Variants in ATP6V0D2 observed in about 807,000 individuals in gnomAD.
The protein encoded by ATP6V0D2 is V-type proton ATPase subunit d 2.
Under a neutral mutation model 40.0 loss-of-function variants are expected in ATP6V0D2, and 40 were observed. The observed-to-expected ratio is 1.00, with a 90% CI of 0.78 to 1.30. The LOEUF is 1.30. ATP6V0D2 is among the 50% of genes most tolerant of loss of function. The probability of loss-of-function intolerance (pLI) is 0.00; values close to 1 mark genes in which losing one functional copy is unlikely to be tolerated. For missense variants in ATP6V0D2, 470 were observed against 423.1 expected, an observed-to-expected ratio of 1.11 and a Z score of -0.97; for synonymous variants, 179 against 156.3, an observed-to-expected ratio of 1.15 and a Z score of -1.08.
intron 2 of ATP6V0D2, among the ~76,000 whole-genome samples, chr8:86,118,882 A>G (rs1340928362): frequency 6.6e-6 from 1 of 152,212 alleles, no homozygotes; most frequent in Non-Finnish European, 1.5e-5. Flanking sequence ...TCTAAGGATG[A>G]GGAACCTAGA....
intron 5 of ATP6V0D2, among the ~76,000 whole-genome samples, chr8:86,143,217 G>A (rs1240265592): frequency 6.6e-6 from 1 of 152,094 alleles, no homozygotes; most frequent in Non-Finnish European, 1.5e-5. Context: ...ATTTGGTTAT[G>A]ATTCATTTTA....
chr8:86,134,374 A>G (rs1818868451), intron 2 of ATP6V0D2, among the ~76,000 whole-genome samples: 1 of 152,182 alleles, frequency 6.6e-6, no homozygotes, highest in African/African-American at 2.4e-5. Flanking sequence ...CAATGGGAAA[A>G]AAGAAAGGAC....
At chr8:86,145,384 A>G (rs1221001949) in intron 5 of ATP6V0D2, among the ~76,000 whole-genome samples, 3 of 149,924 alleles carry the variant, frequency 2.0e-5, no homozygotes, top group East Asian at 2.0e-4. Flanking sequence ...GAAAGAAAAG[A>G]AAAGAAAAGA....
chr8:86,126,253 T>TATATATATATATATATATATATATATAG (rs1818743073), intron 2 of ATP6V0D2, among the ~76,000 whole-genome samples: 1 of 133,828 alleles, frequency 7.5e-6, no homozygotes, highest in South Asian at 2.3e-4. Context: ...TATATATATA[T>TATATATATATATATATATATATATATAG]ATATATATAT....
chr8:86,131,534 T>C (rs1364020091), intron 2 of ATP6V0D2, among the ~76,000 whole-genome samples: 1 of 148,754 alleles, frequency 6.7e-6, no homozygotes, highest in Non-Finnish European at 1.5e-5. Flanking sequence ...GGAGTTTCAC[T>C]TTGTTGCCCA....
intron 1 of ATP6V0D2, among the ~76,000 whole-genome samples, chr8:86,099,618 C>T (rs565769217): frequency 3.9e-5 from 6 of 152,230 alleles, no homozygotes; most frequent in South Asian, 2.1e-4. Flanking sequence ...CTCAGCCTCC[C>T]GAGTAACTGA....
intron 2 of ATP6V0D2, among the ~76,000 whole-genome samples, chr8:86,117,023 T>C (rs1818598648): frequency 6.6e-6 from 1 of 151,782 alleles, no homozygotes; most frequent in Non-Finnish European, 1.5e-5. Context: ...GACCTAATTG[T>C]CTATTTTTGT....
chr8:86,134,406 G>A (rs1818868840), intron 2 of ATP6V0D2, among the ~76,000 whole-genome samples: 2 of 151,938 alleles, frequency 1.3e-5, no homozygotes, highest in Non-Finnish European at 2.9e-5. Flanking sequence ...GAAAAATATG[G>A]GTAAATACAA....
At chr8:86,109,397 C>G (rs955158274) in intron 1 of ATP6V0D2, among the ~76,000 whole-genome samples, 1 of 152,048 alleles carries the variant, frequency 6.6e-6, no homozygotes, top group Admixed American at 6.6e-5. Flanking sequence ...CATTTCAGAC[C>G]CTCAGATTCT....
In ATP6V0D2 at chr8:86,142,967, C is replaced by T. The variant is rs779741791; in HGVS notation, c.639+13C>T. On this transcript the variant is annotated intron_variant, in intron 5 of 7. Coordinates refer to ENST00000285393, the MANE Select transcript of ATP6V0D2 (RefSeq NM_152565.1). ...TCCCATTCTTGAGGTAAGAAAGAGT[C>T]CTTGAATTTTGTTATGCTAAATAAG... 7.0e-6 allele frequency: 11 copies of T among 1,580,796 alleles called. No homozygotes were observed. The highest frequency in any genetic ancestry group is 4.1e-5 in the African/African-American group (3 of 74,008).
intron 1 of ATP6V0D2, among the ~76,000 whole-genome samples, chr8:86,106,714 A>G (rs773569222): frequency 2.0e-5 from 3 of 152,188 alleles, no homozygotes; most frequent in Non-Finnish European, 4.4e-5. Flanking sequence ...TTATTTTGGT[A>G]AGTAAAAATT....
At chr8:86,138,463 C>T (rs1818926391) in intron 2 of ATP6V0D2, among the ~76,000 whole-genome samples, 1 of 152,154 alleles carries the variant, frequency 6.6e-6, no homozygotes, top group South Asian at 2.1e-4. Context: ...ACTTCTCAAC[C>T]TCATTGCTTG....
chr8:86,120,221 C>A (rs957146066), intron 2 of ATP6V0D2, among the ~76,000 whole-genome samples: 2 of 152,074 alleles, frequency 1.3e-5, no homozygotes, highest in African/African-American at 4.8e-5. Flanking sequence ...CATAGTGACA[C>A]CCTGTCTCTA....
chr8:86,151,429 T>C (rs752846486), intron 6 of ATP6V0D2, 37 bp from the exon 7 acceptor site: 1 of 1,376,456 alleles, frequency 7.3e-7, no homozygotes, highest in East Asian at 2.4e-5. Context: ...TTATAAGAAA[T>C]GAAAATGTCT....
chr8:86,116,499 C>A (rs540410532), intron 2 of ATP6V0D2, among the ~76,000 whole-genome samples: 1 of 152,262 alleles, frequency 6.6e-6, no homozygotes, highest in South Asian at 2.1e-4. Context: ...CACCATCATG[C>A]CTGGAAAACA....
Position 86,145,423 on chromosome 8 carries a change from G to C in ATP6V0D2, c.639+2469G>C, listed in dbSNP as rs1004269041. 4.6e-5 allele frequency among the ~76,000 whole-genome samples: 7 copies of C among 151,732 alleles called. No homozygotes were observed. In the South Asian group the frequency reaches 8.3e-4, roughly 18 times the overall value. On this transcript the variant is annotated intron_variant, in intron 5 of 7. Transcript: ENST00000285393. ...GAAAAGAAAAGAAAAGAAAAGACGAGGTATCTCTATGTTGTCCAAGCCTGA... is the reference window on the plus strand; with the variant it reads ...GAAAAGAAAAGAAAAGAAAAGACGACGTATCTCTATGTTGTCCAAGCCTGA...
At chr8:86,152,272 C>T (rs1377702941) in intron 7 of ATP6V0D2, among the ~76,000 whole-genome samples, 1 of 152,152 alleles carries the variant, frequency 6.6e-6, no homozygotes, top group South Asian at 2.1e-4. Flanking sequence ...TTTATGGCTG[C>T]ATAGTATTCC....
intron 5 of ATP6V0D2, among the ~76,000 whole-genome samples, chr8:86,144,863 G>T (rs1819025726): frequency 6.6e-6 from 1 of 151,750 alleles, no homozygotes; most frequent in East Asian, 1.9e-4. Flanking sequence ...AGTTTGAAAA[G>T]ACCAGGTCTT....
intron 1 of ATP6V0D2, among the ~76,000 whole-genome samples, chr8:86,109,506 C>T (rs553797399): frequency 1.3e-5 from 2 of 152,202 alleles, no homozygotes; most frequent in East Asian, 1.9e-4. Context: ...TTATAAGATT[C>T]CTACAGGGTA....
Sources: gnomAD v4.1 joint callset for allele counts (sites outside exome capture counted in the v4.1 genomes callset) on GRCh38, gnomAD v4.1.1 for gene constraint, MANE v1.5 for transcripts, NCBI Gene and HGNC (gene_info 2026-07-23, HGNC 2026-07-21) for gene names.